The following PCSK6 variants were observed in gnomAD, a reference collection of about 807,000 sequenced individuals.
PCSK6 encodes the protein proprotein convertase subtilisin/kexin type 6, also known as paired basic amino acid cleaving enzyme 4.
A neutral mutation model predicts 123.3 loss-of-function variants in PCSK6; 85 were observed. That is an observed-to-expected ratio of 0.69 (90% CI 0.58 to 0.83). The LOEUF is 0.83. PCSK6 is among the 40% of genes least tolerant of loss of function. PCSK6 has a pLI of 0.00. For missense variants in PCSK6, 1,191 were observed against 1,282.3 expected (o/e 0.93, Z 1.09); for synonymous variants, 508 against 516.0 (o/e 0.98, Z 0.21).
chr15:101,348,754 CTG>C (rs765406339), intron 13 of PCSK6, among the ~76,000 whole-genome samples: 4 of 152,194 alleles, frequency 2.6e-5, no homozygotes, highest in African/African-American at 4.8e-5. Flanking sequence ...GAAACAGAGA[CTG>C]AGAGATTCCG....
intron 13 of PCSK6, among the ~76,000 whole-genome samples, chr15:101,341,992 C>T (rs950621970): frequency 3.3e-5 from 5 of 151,694 alleles, no homozygotes; most frequent in Non-Finnish European, 7.4e-5. Context: ...TAGCCGGGCG[C>T]GGTGGTGCAT....
At chr15:101,340,820 G>T (rs2040585607) in intron 13 of PCSK6, among the ~76,000 whole-genome samples, 1 of 145,218 alleles carries the variant, frequency 6.9e-6, no homozygotes, top group African/African-American at 2.6e-5. Flanking sequence ...AATATTTATT[G>T]TCTTTCCCCC....
chr15:101,465,002 A>G (rs2057424717), intron 1 of PCSK6, among the ~76,000 whole-genome samples: 1 of 152,164 alleles, frequency 6.6e-6, no homozygotes, highest in South Asian at 2.1e-4. Context: ...AGAGGCTCCA[A>G]GATGAAAAAG....
rs1192113901 is a variant in PCSK6, at chr15:101,366,339, T to C, written c.1722-7A>G. On this transcript the variant is annotated splice_region_variant and splice_polypyrimidine_tract_variant and intron_variant, in intron 12 of 21. Transcript: ENST00000611716. ...ATTGGAAAGATCCAGCAACCTGCAA[T>C]TGGAGGTGTGGTGTCAGAAATGAAG... 3.7e-6 allele frequency: 6 copies of C among 1,610,078 alleles called. No individual in the cohort carries two copies. Among genetic ancestry groups the C allele is most frequent in the Non-Finnish European group, 3.4e-6 (4 of 1,178,284 alleles).
At chr15:101,422,056 C>G (rs538965446) in intron 6 of PCSK6, among the ~76,000 whole-genome samples, 1 of 152,278 alleles carries the variant, frequency 6.6e-6, no homozygotes, top group Admixed American at 6.5e-5. Context: ...CTTGACAAAC[C>G]ATACTGGGTA....
At chr15:101,377,521 A>G (rs941349761) in intron 11 of PCSK6, among the ~76,000 whole-genome samples, 6 of 152,110 alleles carry the variant, frequency 3.9e-5, no homozygotes, top group Non-Finnish European at 7.4e-5. Context: ...TAGAACTCCA[A>G]CCTCACATGT....
At chr15:101,479,684 ACCT>A (rs1465931286) in intron 1 of PCSK6, among the ~76,000 whole-genome samples, 1 of 152,062 alleles carries the variant, frequency 6.6e-6, no homozygotes, top group Non-Finnish European at 1.5e-5. Context: ...GCACAGGAGC[ACCT>A]CCATGCAGCC....
chr15:101,350,603 A>C (rs570814242), intron 13 of PCSK6, among the ~76,000 whole-genome samples: 1 of 152,362 alleles, frequency 6.6e-6, no homozygotes, highest in South Asian at 2.1e-4. Context: ...TGGCAATTAG[A>C]CCGGGGGGCC....
rs562428743 is a variant in PCSK6 at position 101,394,300 on chromosome 15, C to T, written c.997-876G>A. On this transcript the variant is annotated intron_variant, in intron 7 of 21. Coordinates refer to ENST00000611716, the MANE Select transcript of PCSK6 (RefSeq NM_002570.5). ...GTGCACCGGTGTTCATTGTTAAGAACGTACACATGAAAGCAAGTCTTTGAA... is the reference window on the plus strand; with the variant it reads ...GTGCACCGGTGTTCATTGTTAAGAATGTACACATGAAAGCAAGTCTTTGAA... 3.7e-4 allele frequency among the ~76,000 whole-genome samples: 57 copies of T among 152,112 alleles called. 1 individual carries two copies. Among genetic ancestry groups the T allele is most frequent in the Admixed American group, 2.5e-3 (38 of 15,288 alleles).
At chr15:101,448,261 G>A (rs1207827929) in intron 1 of PCSK6, among the ~76,000 whole-genome samples, 1 of 152,182 alleles carries the variant, frequency 6.6e-6, no homozygotes, top group African/African-American at 2.4e-5. Flanking sequence ...AACATCATTA[G>A]AACATCATTA....
At chr15:101,373,230 G>C (rs749141530) in intron 11 of PCSK6, among the ~76,000 whole-genome samples, 2 of 152,228 alleles carry the variant, frequency 1.3e-5, no homozygotes, top group South Asian at 2.1e-4. Flanking sequence ...GGCTGGCTGG[G>C]GGCGGGAGCA....
intron 15 of PCSK6, among the ~76,000 whole-genome samples, chr15:101,326,924 G>A (rs990644763): frequency 2.6e-5 from 4 of 152,200 alleles, no homozygotes; most frequent in African/African-American, 9.7e-5. Flanking sequence ...TGAGTGTCAG[G>A]GGAGCTGCTG....
chr15:101,375,065 G>T (rs1354430528), intron 11 of PCSK6, among the ~76,000 whole-genome samples: 1 of 151,428 alleles, frequency 6.6e-6, no homozygotes, highest in Non-Finnish European at 1.5e-5. Flanking sequence ...CAATTCTCCC[G>T]CCTCAGACTC....
At chr15:101,472,536 A>G (rs2057632088) in intron 1 of PCSK6, among the ~76,000 whole-genome samples, 1 of 152,232 alleles carries the variant, frequency 6.6e-6, no homozygotes, top group African/African-American at 2.4e-5. Flanking sequence ...CAAGTGCACA[A>G]ACAGGTTCCC....
chr15:101,368,749 G>A lies in PCSK6; in HGVS notation c.1721+1586C>T, dbSNP rs572594258. Among the ~76,000 whole-genome samples, 5 of 152,316 alleles carry A rather than the reference G, an allele frequency of 3.3e-5. No individual in the cohort carries two copies. In the East Asian group the frequency reaches 9.7e-4, roughly 29 times the overall value. On this transcript the variant is annotated intron_variant, in intron 12 of 21. Transcript: ENST00000611716. ...CAGCACGGAAAACATGGAGCACATG[G>A]ACACACACTCGCCCACCTGCTCAGC...
chr15:101,363,608 T>G (rs79720327), intron 13 of PCSK6, among the ~76,000 whole-genome samples: 1,653 of 152,282 alleles, frequency 0.011, 28 homozygotes, highest in African/African-American at 0.038. Context: ...TTTTACATTT[T>G]TGTACTTTTA....
intron 2 of PCSK6, among the ~76,000 whole-genome samples, chr15:101,442,491 G>C (rs2056781518): frequency 6.6e-6 from 1 of 152,106 alleles, no homozygotes; most frequent in African/African-American, 2.4e-5. Flanking sequence ...GGATAATTCA[G>C]GTACAGAGCC....
chr15:101,383,686 C>G (rs1442168890), intron 10 of PCSK6, among the ~76,000 whole-genome samples: 3 of 152,156 alleles, frequency 2.0e-5, no homozygotes, highest in African/African-American at 7.2e-5. Flanking sequence ...GATGAGGAAA[C>G]TGAAGGCAAG....
intron 1 of PCSK6, among the ~76,000 whole-genome samples, chr15:101,459,347 A>G (rs1489086371): frequency 1.3e-5 from 2 of 152,072 alleles, no homozygotes; most frequent in African/African-American, 4.8e-5. Context: ...CTGGTTGCAC[A>G]ATAAATTCTG....
Sources: gnomAD v4.1 joint callset for allele counts (sites outside exome capture counted in the v4.1 genomes callset) on GRCh38, gnomAD v4.1.1 for gene constraint, MANE v1.5 for transcripts, NCBI Gene and HGNC (gene_info 2026-07-23, HGNC 2026-07-21) for gene names.